Variants in ADAM12 observed in about 807,000 individuals in gnomAD.
ADAM12 encodes the protein disintegrin and metalloproteinase domain-containing protein 12.
Under a neutral mutation model 106.4 loss-of-function variants are expected in ADAM12, and 70 were observed. The observed-to-expected ratio is 0.66, with a 90% CI of 0.54 to 0.80. ADAM12 has a LOEUF of 0.80. Ranked by LOEUF, ADAM12 falls within the 30% of genes least tolerant of loss-of-function variation. The pLI is 0.00. For synonymous variants in ADAM12, 420 were observed against 433.5 expected (o/e 0.97, Z 0.39); for missense variants, 1,010 against 1,171.9 (o/e 0.86, Z 2.02).
At chr10:126,083,008 C>A (rs1200170467) in intron 11 of ADAM12, among the ~76,000 whole-genome samples, 5 of 152,356 alleles carry the variant, frequency 3.3e-5, no homozygotes, top group Admixed American at 6.5e-5. Flanking sequence ...AGTAGCACGC[C>A]TGGTAGGCCA....
intron 3 of ADAM12, among the ~76,000 whole-genome samples, chr10:126,165,883 TA>T (rs1438002327): frequency 2.0e-5 from 3 of 152,236 alleles, no homozygotes; most frequent in Non-Finnish European, 4.4e-5. Flanking sequence ...CCTAACTATT[TA>T]AACTGTACAT....
chr10:126,054,008 G>C (rs989152046), intron 14 of ADAM12, among the ~76,000 whole-genome samples: 1 of 152,102 alleles, frequency 6.6e-6, no homozygotes, highest in African/African-American at 2.4e-5. Context: ...TACCTGGCCT[G>C]GTCTCAGTCT....
chr10:126,131,370 ATTC>A (rs1417018573), intron 5 of ADAM12, among the ~76,000 whole-genome samples: 3 of 152,008 alleles, frequency 2.0e-5, no homozygotes, highest in East Asian at 3.9e-4. Context: ...AGAGGCCCTT[ATTC>A]TTCTTCTTGC....
At chr10:126,024,513 A>G (rs1277631767) in intron 21 of ADAM12, among the ~76,000 whole-genome samples, 1 of 152,244 alleles carries the variant, frequency 6.6e-6, no homozygotes, top group Admixed American at 6.5e-5. Context: ...ACCAGTGAGC[A>G]AGGTGTAAAG....
chr10:126,284,099 A>T (rs1168279272), intron 2 of ADAM12, among the ~76,000 whole-genome samples: 2 of 152,034 alleles, frequency 1.3e-5, no homozygotes, highest in Non-Finnish European at 2.9e-5. Context: ...TTGGGAGGCC[A>T]ATGTGGGTGG....
intron 3 of ADAM12, among the ~76,000 whole-genome samples, chr10:126,155,926 T>C (rs992965908): frequency 6.7e-6 from 1 of 149,332 alleles, no homozygotes; most frequent in African/African-American, 2.5e-5. Context: ...CTAAGATAAA[T>C]TGAAAGGGGG....
intron 8 of ADAM12, among the ~76,000 whole-genome samples, chr10:126,102,814 C>T (rs978132258): frequency 1.3e-5 from 2 of 152,204 alleles, no homozygotes; most frequent in South Asian, 2.1e-4. Flanking sequence ...GCTTCCGGGG[C>T]GAAAGTAAGT....
chr10:126,368,730 A>T (rs531531485), intron 1 of ADAM12, among the ~76,000 whole-genome samples: 1 of 152,096 alleles, frequency 6.6e-6, no homozygotes, highest in Admixed American at 6.5e-5. Flanking sequence ...CCCCAATTGA[A>T]TTTTTACTCA....
At chr10:126,349,699 C>T (rs1005031104) in intron 1 of ADAM12, among the ~76,000 whole-genome samples, 7 of 152,214 alleles carry the variant, frequency 4.6e-5, no homozygotes, top group Non-Finnish European at 8.8e-5. Flanking sequence ...GGAAGCAACT[C>T]CTATTTTGAT....
At chr10:126,185,435 T>C (rs1327361461) in intron 3 of ADAM12, among the ~76,000 whole-genome samples, 3 of 152,086 alleles carry the variant, frequency 2.0e-5, no homozygotes, top group Non-Finnish European at 2.9e-5. Flanking sequence ...GCTCCCACTT[T>C]GCAAGAGTCA....
chr10:126,211,014 G>T (rs920031260), intron 3 of ADAM12, among the ~76,000 whole-genome samples: 1 of 152,126 alleles, frequency 6.6e-6, no homozygotes, highest in Admixed American at 6.5e-5. Flanking sequence ...CACCAAGGGT[G>T]GGGTCTTGGT....
chr10:126,387,713 C>T (rs1353145162), intron 1 of ADAM12, among the ~76,000 whole-genome samples: 1 of 152,098 alleles, frequency 6.6e-6, no homozygotes, highest in Non-Finnish European at 1.5e-5. Flanking sequence ...AGCAAGAGGA[C>T]CCGACACGCA....
intron 1 of ADAM12, among the ~76,000 whole-genome samples, chr10:126,381,639 G>T (rs1440269310): frequency 6.6e-6 from 1 of 152,014 alleles, no homozygotes; most frequent in African/African-American, 2.4e-5. Flanking sequence ...GGGATTACAG[G>T]TGCCTGACAC....
In ADAM12 at chr10:126,064,714, G is replaced by A. The variant is rs937249582; in HGVS notation, c.1609+92C>T. On this transcript the variant is annotated intron_variant, in intron 14 of 22. Transcript: ENST00000448723. The surrounding 1 kb of genome is among the most constrained non-coding windows in gnomAD (Gnocchi z 4.4). ...TGTGTGGACAGCGCCCGCCAGGAGTGGGGGCTAACCAAAACAGAGCACATG... is the reference window on the plus strand; with the variant it reads ...TGTGTGGACAGCGCCCGCCAGGAGTAGGGGCTAACCAAAACAGAGCACATG... 6 of 1,358,170 alleles carry A rather than the reference G, an allele frequency of 4.4e-6. No individual in the cohort carries two copies. Among genetic ancestry groups the A allele is most frequent in the Non-Finnish European group, 6.0e-6 (6 of 1,002,190 alleles). 84.1% of individuals were successfully genotyped at this position (1,358,170 alleles called of 1,614,324 possible).
At chr10:126,088,824 C>T (rs1955408243) in intron 11 of ADAM12, among the ~76,000 whole-genome samples, 1 of 151,954 alleles carries the variant, frequency 6.6e-6, no homozygotes, top group Non-Finnish European at 1.5e-5. Flanking sequence ...TGAATGTGTC[C>T]TGAATGGAAT....
At chr10:126,381,139 T>C (rs1393729432) in intron 1 of ADAM12, among the ~76,000 whole-genome samples, 1 of 152,220 alleles carries the variant, frequency 6.6e-6, no homozygotes, top group Non-Finnish European at 1.5e-5. Flanking sequence ...AAAAGAAAGT[T>C]TTGAAACATT....
chr10:126,277,416 C>T lies in ADAM12; in HGVS notation c.260+1499G>A, dbSNP rs139085064. On this transcript the variant is annotated intron_variant, in intron 3 of 22. Transcript: ENST00000448723. Reference sequence around the variant, plus strand: ...ATGGGAGCAGGTGCAATAAAGAACACTCCTAAATCCAGCTGCCCACCACAA... The same window carrying T: ...ATGGGAGCAGGTGCAATAAAGAACATTCCTAAATCCAGCTGCCCACCACAA... Among the ~76,000 whole-genome samples, 596 of 152,144 alleles carry T rather than the reference C, an allele frequency of 3.9e-3. 4 individuals are homozygous for T. Among genetic ancestry groups the T allele is most frequent in the South Asian group, 9.8e-3 (47 of 4,802 alleles).
At chr10:126,056,353 G>A (rs1040830963) in intron 14 of ADAM12, among the ~76,000 whole-genome samples, 7 of 152,178 alleles carry the variant, frequency 4.6e-5, no homozygotes, top group African/African-American at 1.7e-4. Flanking sequence ...GATTTCATCA[G>A]CCATGTAAAC....
intron 3 of ADAM12, among the ~76,000 whole-genome samples, chr10:126,182,997 C>T (rs1281271164): frequency 6.6e-6 from 1 of 152,166 alleles, no homozygotes; most frequent in African/African-American, 2.4e-5. Flanking sequence ...TCATTGCTTA[C>T]ATTACTGCCA....
Sources: gnomAD v4.1 joint callset for allele counts (sites outside exome capture counted in the v4.1 genomes callset) on GRCh38, gnomAD v4.1.1 for gene constraint, Gnocchi (gnomAD v3.1) non-coding constraint, MANE v1.5 for transcripts, NCBI Gene and HGNC (gene_info 2026-07-23, HGNC 2026-07-21) for gene names.